Variants in MYPN observed in about 807,000 individuals in gnomAD.
MYPN encodes myopalladin.
In MYPN, 63 loss-of-function variants were observed where a neutral mutation model predicts 129.4. The ratio of observed to expected loss-of-function variants is 0.49; its 90% CI spans 0.40 to 0.60. MYPN has a LOEUF of 0.60. Among genes scored for constraint, MYPN ranks in the 20% least tolerant of loss-of-function variants. The probability of loss-of-function intolerance (pLI) is 0.00; values close to 1 mark genes in which losing one functional copy is unlikely to be tolerated. For synonymous variants in MYPN, 629 were observed against 600.9 expected, an observed-to-expected ratio of 1.05 and a Z score of -0.68; for missense variants, 1,596 against 1,635.4, an observed-to-expected ratio of 0.98 and a Z score of 0.42.
At chr10:68,095,243 G>T (rs914536012) in intron 1 of MYPN, among the ~76,000 whole-genome samples, 1 of 151,802 alleles carries the variant, frequency 6.6e-6, no homozygotes, top group Non-Finnish European at 1.5e-5. Context: ...CCAGCTACTC[G>T]GGAGGCTGAG....
intron 6 of MYPN, 75 bp from the exon 7 acceptor site, chr10:68,158,411 T>A: frequency 6.8e-7 from 1 of 1,462,994 alleles, no homozygotes; most frequent in Non-Finnish European, 9.5e-7. Context: ...CATCTTTTTC[T>A]AAAATTCAAC....
intron 1 of MYPN, among the ~76,000 whole-genome samples, chr10:68,098,137 T>C (rs767087480): frequency 6.6e-6 from 1 of 152,078 alleles, no homozygotes; most frequent in Non-Finnish European, 1.5e-5. Flanking sequence ...TCCCAGCTAC[T>C]TGGGAGGCTG....
At chr10:68,163,482 A>T (rs1301457627) in intron 8 of MYPN, among the ~76,000 whole-genome samples, 2 of 151,800 alleles carry the variant, frequency 1.3e-5, no homozygotes, top group Non-Finnish European at 2.9e-5. Context: ...ACAAAAAATT[A>T]GCCCGGCGTG....
rs577251413 is a variant in MYPN, at chr10:68,112,053, A to T, written c.-2+2330A>T. Among the ~76,000 whole-genome samples the T allele has an allele frequency of 3.9e-5, 6 of 152,352 alleles. No homozygotes were observed. The South Asian group carries it at 1.2e-3, about 32-fold the overall frequency. On this transcript the variant is annotated intron_variant, in intron 1 of 19. Coordinates refer to ENST00000358913, the MANE Select transcript of MYPN (RefSeq NM_032578.4). The stretch of plus-strand genomic sequence containing the variant: ...TAAATATTTGAGTTGATAGGGATTG[A>T]CGAAGTTTTCCCATTTGGGATTTCC...
chr10:68,209,391 T>A (rs1258950819), intron 19 of MYPN, among the ~76,000 whole-genome samples: 1 of 152,252 alleles, frequency 6.6e-6, no homozygotes, highest in Middle Eastern at 3.2e-3. Context: ...CTTTTCAGTC[T>A]TCTTGCTGTA....
rs1446079895 is a variant in MYPN, at chr10:68,211,655, G to A, written c.*1200G>A. 4.4e-6 allele frequency: 2 copies of A among 453,992 alleles called. No homozygotes were observed. Among genetic ancestry groups the A allele is most frequent in the East Asian group, 6.9e-5 (1 of 14,416 alleles). The allele number at this position is 453,992 out of a possible 1,614,324, so 28.1% of individuals were successfully genotyped here. ...TGTGATATCCCTAGTACCTAGAAGA[G>A]TACCTAGCACAAAGTAGACATTCAA... On this transcript the variant is annotated 3_prime_UTR_variant, in exon 20 of 20. Transcript: ENST00000358913.
intron 15 of MYPN, among the ~76,000 whole-genome samples, chr10:68,196,787 C>A (rs1316003037): frequency 6.6e-6 from 1 of 151,980 alleles, no homozygotes; most frequent in African/African-American, 2.4e-5. Flanking sequence ...ACCTGGCCCC[C>A]TCTCCCTTTG....
chr10:68,183,325 G>A (rs1456022303), intron 12 of MYPN, among the ~76,000 whole-genome samples: 1 of 152,098 alleles, frequency 6.6e-6, no homozygotes, highest in East Asian at 1.9e-4. Context: ...TAGGTGTGGG[G>A]GTGCTGTGTG....
At chr10:68,121,057 T>A (rs2042233608) in intron 1 of MYPN, among the ~76,000 whole-genome samples, 1 of 152,188 alleles carries the variant, frequency 6.6e-6, no homozygotes, top group Non-Finnish European at 1.5e-5. Context: ...GGTGAGCGGA[T>A]CACCTGAGCC....
chr10:68,165,610 T>C, intron 8 of MYPN, 92 bp from the exon 9 acceptor site: 4 of 987,302 alleles, frequency 4.1e-6, no homozygotes, highest in Non-Finnish European at 6.5e-6. Flanking sequence ...CTTTTTATAT[T>C]GACTTTGTAG....
intron 10 of MYPN, among the ~76,000 whole-genome samples, chr10:68,171,976 T>C (rs947984368): frequency 6.6e-6 from 1 of 152,220 alleles, no homozygotes; most frequent in Admixed American, 6.5e-5. Flanking sequence ...TGTCTGGCAT[T>C]TTATCTTAAG....
intron 1 of MYPN, among the ~76,000 whole-genome samples, chr10:68,113,441 A>T (rs1002593985): frequency 6.6e-6 from 1 of 152,186 alleles, no homozygotes; most frequent in Non-Finnish European, 1.5e-5. Context: ...CATGCCTGTA[A>T]TCCCAGCACT....
rs934291363 is a variant in MYPN, at chr10:68,123,689, A to G, written c.902+1349A>G. On this transcript the variant is annotated intron_variant, in intron 2 of 19. Transcript: ENST00000358913. ...CGACAGAGCGAGACTCCTTCAATAA[A>G]TAAATAAATAAATAAATAAATAAAT... 2.0e-4 allele frequency among the ~76,000 whole-genome samples: 29 copies of G among 146,896 alleles called. 1 individual carries two copies.
intron 5 of MYPN, among the ~76,000 whole-genome samples, chr10:68,148,757 A>C (rs1465362708): frequency 2.0e-5 from 3 of 152,226 alleles, no homozygotes; most frequent in Non-Finnish European, 4.4e-5. Flanking sequence ...GTCAGCTCTC[A>C]GACTGGCCTA....
chr10:68,176,831 C>G (rs957065210), intron 12 of MYPN, among the ~76,000 whole-genome samples: 1 of 152,208 alleles, frequency 6.6e-6, no homozygotes, highest in Non-Finnish European at 1.5e-5. Context: ...TTCTAGGATA[C>G]TCTCACATTT....
chr10:68,124,832 C>T (rs1030744821), intron 2 of MYPN, among the ~76,000 whole-genome samples: 7 of 152,114 alleles, frequency 4.6e-5, no homozygotes, highest in Admixed American at 2.6e-4. Flanking sequence ...AAACACAGGG[C>T]GGTGTCTACT....
rs141276802 is a variant in MYPN at position 68,174,242 on chromosome 10, C to T, written c.2150C>T (p.Thr717Met). 78 of 1,614,066 alleles carry T rather than the reference C, an allele frequency of 4.8e-5. No individual in the cohort carries two copies. The highest frequency in any genetic ancestry group is 1.8e-4 in the South Asian group (16 of 91,086). Residue 717 changes from threonine (T) to methionine (M), a missense_variant, in exon 11 of 20, where the codon ACG (threonine) becomes ATG (methionine). Thr to Met is a moderately conservative substitution (Grantham distance 81). Coordinates refer to ENST00000358913, the MANE Select transcript of MYPN (RefSeq NM_032578.4). ...SKQVKAPSSQTFSLARPKYFF... is the reference protein window; with the variant it reads ...SKQVKAPSSQMFSLARPKYFF... ...CAGGTGAAGGCTCCTTCATCACAGA[C>T]GTTCAGCTTGGCCCGGCCGAAGTAT...
Position 68,210,708 on chromosome 10 carries a change from G to A in MYPN, c.*253G>A. 1.7e-6 allele frequency: 1 copy of A among 590,078 alleles called. No homozygotes were observed. The highest frequency in any genetic ancestry group is 3.2e-6 in the Non-Finnish European group (1 of 314,308). 36.6% of individuals were successfully genotyped at this position (590,078 alleles called of 1,614,324 possible). A position where few individuals can be genotyped will look rare whatever the true frequency, so the allele number is the denominator to read the frequency against. On this transcript the variant is annotated 3_prime_UTR_variant, in exon 20 of 20. Coordinates refer to ENST00000358913, the MANE Select transcript of MYPN (RefSeq NM_032578.4). ...ACAGATGAACCAAAGATGTCACACA[G>A]TTGCCATCCACTGCTTTGGGAAAAA... is the stretch of plus-strand genomic sequence containing the variant.
intron 10 of MYPN, among the ~76,000 whole-genome samples, chr10:68,168,130 A>C (rs543988415): frequency 6.6e-6 from 1 of 152,240 alleles, no homozygotes; most frequent in African/African-American, 2.4e-5. Flanking sequence ...CCATGTCCCC[A>C]TTCCACATCA....
Sources: gnomAD v4.1 joint callset for allele counts (sites outside exome capture counted in the v4.1 genomes callset) on GRCh38, gnomAD v4.1.1 for gene constraint, MANE v1.5 for transcripts, NCBI Gene and HGNC (gene_info 2026-07-23, HGNC 2026-07-21) for gene names.